Variants in SLC8A1 observed in about 807,000 individuals in gnomAD.
SLC8A1 encodes the protein sodium/calcium exchanger 1.
SLC8A1 carries 18 observed loss-of-function variants against 68.3 expected under a neutral mutation model. That is an observed-to-expected ratio of 0.26 (90% CI 0.18 to 0.39). The LOEUF is 0.39. Ranked by LOEUF, SLC8A1 falls within the 10% of genes least tolerant of loss-of-function variation. The pLI, the probability that SLC8A1 is intolerant of heterozygous loss-of-function variation, is 1.00. For missense variants in SLC8A1, 985 were observed against 1,156.7 expected (o/e 0.85, Z 2.15); for synonymous variants, 475 against 415.5 (o/e 1.14, Z -1.74).
intron 2 of SLC8A1, among the ~76,000 whole-genome samples, chr2:40,232,111 G>T (rs1189656870): frequency 6.6e-6 from 1 of 152,102 alleles, no homozygotes; most frequent in Non-Finnish European, 1.5e-5. Context: ...GGGAGAGGTG[G>T]TAGATCACTG....
chr2:40,373,775 G>A (rs1291436327), intron 2 of SLC8A1, among the ~76,000 whole-genome samples: 4 of 152,016 alleles, frequency 2.6e-5, no homozygotes, highest in African/African-American at 9.7e-5. Context: ...AATGGCAGGT[G>A]GCATGAGAGT....
intron 2 of SLC8A1, among the ~76,000 whole-genome samples, chr2:40,219,975 A>T (rs1434688215): frequency 6.6e-6 from 1 of 151,418 alleles, no homozygotes; most frequent in Non-Finnish European, 1.5e-5. Context: ...CAAATAAATA[A>T]GATTTTTTTC....
At chr2:40,102,933 G>A (rs2033982674) in exon 8 of SLC8A1, 1 of 152,256 alleles carries the variant, frequency 6.6e-6, no homozygotes, top group South Asian at 2.1e-4. Context: ...TCCCTTGGCA[G>A]AAGTCTTAGT....
intron 2 of SLC8A1, among the ~76,000 whole-genome samples, chr2:40,353,754 G>A (rs918153108): frequency 1.3e-5 from 2 of 152,108 alleles, no homozygotes; most frequent in African/African-American, 4.8e-5. Flanking sequence ...AGAAACTTGT[G>A]TCCCATTTTC....
At chr2:40,456,381 T>C (rs532038436), upstream of SLC8A1, among the ~76,000 whole-genome samples, 1 of 151,370 alleles carries the variant, frequency 6.6e-6, no homozygotes, top group East Asian at 1.9e-4. Flanking sequence ...CTGTTTTTCA[T>C]TTCTGCCCCT....
chr2:40,134,095 G>GTTT (rs59189337), intron 7 of SLC8A1, among the ~76,000 whole-genome samples: 1 of 148,976 alleles, frequency 6.7e-6, no homozygotes, highest in African/African-American at 2.5e-5. Context: ...TTGTTTGTTT[G>GTTT]TGTTTTTTTT....
chr2:40,191,821 T>A (rs1001011429), intron 2 of SLC8A1, among the ~76,000 whole-genome samples: 15 of 152,142 alleles, frequency 9.9e-5, no homozygotes, highest in African/African-American at 3.6e-4. Flanking sequence ...AAAAAGCGAA[T>A]CTTCACCCCT....
At chr2:40,176,319 T>G (rs770235570) in intron 3 of SLC8A1, among the ~76,000 whole-genome samples, 1 of 152,152 alleles carries the variant, frequency 6.6e-6, no homozygotes, top group Non-Finnish European at 1.5e-5. Context: ...TGCTGTTACA[T>G]GAGAGCATAT....
intron 2 of SLC8A1, among the ~76,000 whole-genome samples, chr2:40,359,640 G>C (rs1424011066): frequency 6.6e-6 from 1 of 152,076 alleles, no homozygotes; most frequent in Non-Finnish European, 1.5e-5. Context: ...TATTTAGGAA[G>C]AAACACATCA....
chr2:40,359,508 G>A (rs889553387), intron 2 of SLC8A1, among the ~76,000 whole-genome samples: 1 of 152,066 alleles, frequency 6.6e-6, no homozygotes, highest in African/African-American at 2.4e-5. Flanking sequence ...CGCAGCTTCT[G>A]GGTAGAAAAG....
chr2:40,425,012 A>T (rs1469926398), intron 2 of SLC8A1, among the ~76,000 whole-genome samples: 1 of 151,834 alleles, frequency 6.6e-6, no homozygotes, highest in East Asian at 1.9e-4. Context: ...CCAAACCACA[A>T]ATCAAATTAG....
chr2:40,484,190 A>G (rs1314689172), intron 1 of SLC8A1, among the ~76,000 whole-genome samples: 5 of 152,248 alleles, frequency 3.3e-5, no homozygotes, highest in African/African-American at 4.8e-5. Flanking sequence ...CAATCACACT[A>G]TCATTAGTCA....
At chr2:40,426,458 T>G (rs982878425) in intron 2 of SLC8A1, among the ~76,000 whole-genome samples, 3 of 152,156 alleles carry the variant, frequency 2.0e-5, no homozygotes, top group African/African-American at 7.2e-5. Flanking sequence ...AAATGGAACT[T>G]GGCAGAATAA....
At chr2:40,124,958 C>A (rs1369260983) in intron 7 of SLC8A1, among the ~76,000 whole-genome samples, 4 of 152,112 alleles carry the variant, frequency 2.6e-5, no homozygotes, top group African/African-American at 9.7e-5. Context: ...ACTTAAATGT[C>A]CCAGGATTTC....
intron 1 of SLC8A1, among the ~76,000 whole-genome samples, chr2:40,449,317 T>C (rs1203095233): frequency 2.6e-5 from 4 of 152,214 alleles, no homozygotes; most frequent in African/African-American, 9.7e-5. Flanking sequence ...GCTTTTCTCA[T>C]CATTTATTTT....
chr2:40,117,705 T>C (rs1322964396), intron 7 of SLC8A1, among the ~76,000 whole-genome samples: 1 of 152,200 alleles, frequency 6.6e-6, no homozygotes, highest in Non-Finnish European at 1.5e-5. Flanking sequence ...TGTTGTGTTA[T>C]CTGCTCTGGT....
At chr2:40,404,294 G>A (rs11896873) in intron 2 of SLC8A1, among the ~76,000 whole-genome samples, 1,854 of 152,194 alleles carry the variant, frequency 0.012, 32 homozygotes, top group African/African-American at 0.042. Flanking sequence ...CTTTAGTTGT[G>A]TATGCCTATG....
At chr2:40,191,214 C>G (rs2051759367) in intron 2 of SLC8A1, among the ~76,000 whole-genome samples, 1 of 152,162 alleles carries the variant, frequency 6.6e-6, no homozygotes, top group Admixed American at 6.6e-5. Flanking sequence ...CTTTCTGCTG[C>G]TACTTTCTAC....
At chr2:40,243,505 A>C (rs1342330371) in intron 2 of SLC8A1, among the ~76,000 whole-genome samples, 9 of 152,146 alleles carry the variant, frequency 5.9e-5, no homozygotes, top group Non-Finnish European at 1.3e-4. Flanking sequence ...AAGAAAAGAA[A>C]GATTTCTCAA....
Sources: gnomAD v4.1 joint callset for allele counts (sites outside exome capture counted in the v4.1 genomes callset) on GRCh38, gnomAD v4.1.1 for gene constraint, MANE v1.5 for transcripts, NCBI Gene and HGNC (gene_info 2026-07-23, HGNC 2026-07-21) for gene names.